S100A16: variants seen among roughly 807,000 people sequenced by gnomAD.
S100A16 encodes the protein S100 calcium binding protein A16.
Under a neutral mutation model 9.0 loss-of-function variants are expected in S100A16, and 8 were observed. The observed-to-expected ratio is 0.89, with a 90% CI of 0.52 to 1.60. The LOEUF (loss-of-function observed/expected upper bound fraction) is 1.60, where lower values mean the gene tolerates loss of function less well. Among genes scored for constraint, S100A16 ranks in the 40% most tolerant of loss-of-function variants. S100A16 has a pLI of 0.00. For synonymous variants in S100A16, 51 were observed against 51.4 expected (o/e 0.99, Z 0.04); for missense variants, 138 against 132.4 (o/e 1.04, Z -0.21).
chr1:153,612,411 C>T (rs1571270747), intron 1 of S100A16, among the ~76,000 whole-genome samples: 1 of 151,894 alleles, frequency 6.6e-6, no homozygotes, highest in Non-Finnish European at 1.5e-5. Flanking sequence ...TCTCAAGGAA[C>T]AGCTCCTGGA....
intron 1 of S100A16, chr1:153,609,500 G>A (rs888061147): frequency 5.9e-6 from 2 of 339,464 alleles, no homozygotes; most frequent in Non-Finnish European, 8.4e-6. Context: ...AGCTAGCACT[G>A]GCTGGGGCCC....
At chr1:153,609,204 G>A (rs1432365997) in intron 1 of S100A16, 1 of 985,490 alleles carries the variant, frequency 1.0e-6, no homozygotes, top group Non-Finnish European at 1.2e-6. Context: ...AAAGGAGATG[G>A]ACAAAACAGG....
At chr1:153,612,637 G>A (rs1380943838) in intron 1 of S100A16, among the ~76,000 whole-genome samples, 2 of 152,100 alleles carry the variant, frequency 1.3e-5, no homozygotes, top group African/African-American at 4.8e-5. Flanking sequence ...TCCTTTTGGG[G>A]AGGATCGAGT....
At position 153,608,146 on chromosome 1, in the gene S100A16, TGAC is replaced by T. The variant is rs1380469768; in HGVS notation, c.3_5del (p.MetSer1_?2). The T allele has an allele frequency of 6.2e-7, 1 of 1,613,688 alleles. No homozygotes were observed. The highest frequency in any genetic ancestry group is 1.7e-5 in the Admixed American group (1 of 60,006). ...CCTTCTCCAGCTCCGTGTAGCAGTCTGACATCTCCCTGCTTCGCCTGCTGGCGG... is the reference window on the plus strand; with the variant it reads ...CCTTCTCCAGCTCCGTGTAGCAGTCTATCTCCCTGCTTCGCCTGCTGGCGG... On this transcript the variant is annotated start_lost and inframe_deletion, in exon 2 of 3. Coordinates refer to ENST00000368706, the MANE Select transcript of S100A16 (RefSeq NM_080388.3).
At chr1:153,612,188 GC>G (rs375250949) in intron 1 of S100A16, among the ~76,000 whole-genome samples, 5 of 151,966 alleles carry the variant, frequency 3.3e-5, no homozygotes, top group African/African-American at 1.2e-4. Flanking sequence ...CAGCACCCCT[GC>G]CCTCACCACC....
chr1:153,608,945 C>T, intron 1 of S100A16: 1 of 985,938 alleles, frequency 1.0e-6, no homozygotes, highest in Non-Finnish European at 1.2e-6. Flanking sequence ...GAGTCGGACT[C>T]TGGACACAGC....
chr1:153,607,917 G>T, intron 2 of S100A16, 82 bp downstream of exon 2: 1 of 1,452,726 alleles, frequency 6.9e-7, no homozygotes, highest in Non-Finnish European at 9.5e-7. Flanking sequence ...GGCCTCAGCA[G>T]GGAAAGACAC....
chr1:153,607,782 T>A, intron 2 of S100A16, 90 bp from the exon 3 acceptor site: 1 of 1,496,120 alleles, frequency 6.7e-7, no homozygotes, highest in Non-Finnish European at 9.2e-7. Context: ...GGATCTGGCC[T>A]GCACAGCTGC....
At chr1:153,612,549 A>T (rs1482828209) in intron 1 of S100A16, among the ~76,000 whole-genome samples, 1 of 151,986 alleles carries the variant, frequency 6.6e-6, no homozygotes, top group Admixed American at 6.6e-5. Flanking sequence ...CTCCCCTAGG[A>T]CACAGCTCCC....
rs1376711851 is a variant in S100A16, at chr1:153,611,913, T to TCACACACACA, written c.-27+1038_-27+1039insTGTGTGTGTG. On this transcript the variant is annotated intron_variant, in intron 1 of 2. Coordinates refer to ENST00000368706, the MANE Select transcript of S100A16 (RefSeq NM_080388.3). ...TTCTGCGTCTAACTCTCTTTGTCTCTCTCTCACACACACACACACACACAC... is the reference window on the plus strand; with the variant it reads ...TTCTGCGTCTAACTCTCTTTGTCTCTCACACACACACTCTCACACACACACACACACACAC... Among the ~76,000 whole-genome samples, 3 of 81,366 alleles carry TCACACACACA rather than the reference T, an allele frequency of 3.7e-5. No homozygotes were observed. In the East Asian group the frequency reaches 1.5e-3, roughly 42 times the overall value. 53.4% of individuals were successfully genotyped at this position (81,366 alleles called of 152,430 possible).
chr1:153,608,449 T>C (rs1006797183), intron 1 of S100A16: 2 of 396,550 alleles, frequency 5.0e-6, no homozygotes, highest in East Asian at 4.9e-5. Flanking sequence ...GTTCCAGCCC[T>C]AGGGAGCAAG....
At chr1:153,612,713 G>T (rs1374991314) in intron 1 of S100A16, among the ~76,000 whole-genome samples, 1 of 152,040 alleles carries the variant, frequency 6.6e-6, no homozygotes, top group Admixed American at 6.5e-5. Context: ...CTGCGGCAGG[G>T]AGGGGGTCTC....
In S100A16 at chr1:153,607,115, G is replaced by C; in HGVS notation, c.*419C>G. On this transcript the variant is annotated 3_prime_UTR_variant, in exon 3 of 3. Transcript: ENST00000368706. Reference sequence around the variant, plus strand: ...GGTCTCTGCTGCTGCTGCTGCTGCTGCTGCTGCTGTTGCTGCTACCACTGC... The same window carrying C: ...GGTCTCTGCTGCTGCTGCTGCTGCTCCTGCTGCTGTTGCTGCTACCACTGC... 2 of 454,190 alleles carry C rather than the reference G, an allele frequency of 4.4e-6. No individual in the cohort carries two copies. The highest frequency in any genetic ancestry group is 2.0e-5 in the African/African-American group (1 of 50,036). 28.1% of individuals were successfully genotyped at this position (454,190 alleles called of 1,614,324 possible). A position where few individuals can be genotyped will look rare whatever the true frequency, so the allele number is the denominator to read the frequency against.
chr1:153,611,429 C>T (rs1179658944), intron 1 of S100A16, among the ~76,000 whole-genome samples: 1 of 151,940 alleles, frequency 6.6e-6, no homozygotes, highest in African/African-American at 2.4e-5. Context: ...GACTCCTGTC[C>T]CTCCTGGTCA....
intron 2 of S100A16, 43 bp from the exon 3 acceptor site, chr1:153,607,735 CAG>C (rs1384799069): frequency 1.2e-6 from 2 of 1,611,182 alleles, no homozygotes; most frequent in Admixed American, 3.3e-5. Flanking sequence ...GTGGAAGCCC[CAG>C]AGAGACTCCA....
In S100A16 at chr1:153,607,835, A is replaced by G. The variant is rs141544341; in HGVS notation, c.154-143T>C. ...AATATAGCCCTCACTGGCTAGGCCT[A>G]AGCATCCTGAGAAGACAGAGGCCTG... On this transcript the variant is annotated intron_variant, in intron 2 of 2. Transcript: ENST00000368706. 1,236 of 1,230,572 alleles carry G rather than the reference A, an allele frequency of 1.0e-3. 12 individuals carry two copies. In the East Asian group the frequency reaches 0.021, roughly 20 times the overall value. The allele number at this position is 1,230,572 out of a possible 1,614,324, so 76.2% of individuals were successfully genotyped here. A position where few individuals can be genotyped will look rare whatever the true frequency, so the allele number is the denominator to read the frequency against.
intron 1 of S100A16, among the ~76,000 whole-genome samples, chr1:153,610,694 CA>C (rs1288600763): frequency 6.6e-6 from 1 of 152,206 alleles, no homozygotes; most frequent in East Asian, 1.9e-4. Context: ...AACCATCTGA[CA>C]AGTGCTTTTC....
chr1:153,607,356 G>T lies in S100A16; in HGVS notation c.*178C>A. 1 of 730,328 alleles carries T rather than the reference G, an allele frequency of 1.4e-6. No individual in the cohort carries two copies. The highest frequency in any genetic ancestry group is 1.9e-5 in the South Asian group (1 of 52,524). 45.2% of individuals were successfully genotyped at this position (730,328 alleles called of 1,614,324 possible). A position where few individuals can be genotyped will look rare whatever the true frequency, so the allele number is the denominator to read the frequency against. ...GGAGCTGAGACCCCCCAGGGAGGGAGGTACCTCTAGACTGAGACACTCACA... is the reference window on the plus strand; with the variant it reads ...GGAGCTGAGACCCCCCAGGGAGGGATGTACCTCTAGACTGAGACACTCACA... On this transcript the variant is annotated 3_prime_UTR_variant, in exon 3 of 3. Transcript: ENST00000368706.
At chr1:153,607,924 A>C in intron 2 of S100A16, 75 bp downstream of exon 2, 1 of 1,469,830 alleles carries the variant, frequency 6.8e-7, no homozygotes, top group Non-Finnish European at 9.4e-7. Context: ...GCAGGGAAAG[A>C]CACCCTCAGA....
Sources: allele counts gnomAD v4.1 joint callset (sites outside exome capture counted in the v4.1 genomes callset), GRCh38; gene constraint gnomAD v4.1.1; transcripts MANE v1.5; gene names NCBI Gene and HGNC (gene_info 2026-07-23, HGNC 2026-07-21).